Variants in SGCG observed in about 807,000 individuals in gnomAD.
SGCG encodes the protein sarcoglycan gamma, also known as gamma-sarcoglycan.
Under a neutral mutation model 29.3 loss-of-function variants are expected in SGCG, and 26 were observed. The observed-to-expected ratio is 0.89, with a 90% CI of 0.65 to 1.23. SGCG has a LOEUF of 1.23. Ranked by LOEUF, SGCG falls within the 50% of genes most tolerant of loss-of-function variation. The pLI is 0.00. For synonymous variants in SGCG, 145 were observed against 129.7 expected (o/e 1.12, Z -0.80); for missense variants, 353 against 356.0 (o/e 0.99, Z 0.07).
chr13:23,169,199 G>A, the SGCG span, among the ~76,000 whole-genome samples: 1 of 151,902 alleles, frequency 6.6e-6, no homozygotes, highest in Non-Finnish European at 1.5e-5. Context: ...CCTCATTCAT[G>A]TGAGCCAACA....
rs544638330 is a variant in SGCG, at chr13:23,295,633, A to T, written c.578+146A>T. On this transcript the variant is annotated intron_variant, in intron 6 of 7. Transcript: ENST00000218867. The stretch of plus-strand genomic sequence containing the variant: ...TTCAAGACTTTCCGCTTATAACTAG[A>T]TAGTATTTATTAAAATCCAAAGGAG... 5.7e-6 allele frequency: 4 copies of T among 701,250 alleles called. No homozygotes were observed. The East Asian group carries it at 1.1e-4, about 19-fold the overall frequency. The allele number at this position is 701,250 out of a possible 1,614,324, so 43.4% of individuals were successfully genotyped here.
intron 1 of SGCG, among the ~76,000 whole-genome samples, 183 bp downstream of exon 1, chr13:23,181,258 TC>T (rs1260855482): frequency 2.6e-5 from 4 of 152,214 alleles, no homozygotes; most frequent in Admixed American, 6.5e-5. Context: ...AATTCTCATT[TC>T]AACTAAGTTA....
At chr13:23,271,355 G>A (rs893490608) in intron 4 of SGCG, among the ~76,000 whole-genome samples, 1 of 152,082 alleles carries the variant, frequency 6.6e-6, no homozygotes, top group African/African-American at 2.4e-5. Flanking sequence ...GGCCACACTG[G>A]AAGAAGAATA....
intron 6 of SGCG, among the ~76,000 whole-genome samples, chr13:23,298,068 T>C (rs981851170): frequency 4.6e-5 from 7 of 151,068 alleles, no homozygotes; most frequent in African/African-American, 1.2e-4. Context: ...TAAATTGTTA[T>C]TATACAGCCG....
the SGCG span, among the ~76,000 whole-genome samples, chr13:23,169,591 A>C: frequency 6.6e-6 from 1 of 151,654 alleles, no homozygotes. Flanking sequence ...AGGCAGGAGA[A>C]TTGCTTGAAC....
intron 2 of SGCG, among the ~76,000 whole-genome samples, chr13:23,221,043 T>TA (rs5802222): frequency 0.77 from 117,287 of 152,026 alleles, 45,425 homozygotes; most frequent in East Asian, 0.92. Context: ...TTTTAGGATG[T>TA]GTCAGATTTA....
At chr13:23,234,792 GAGA>G (rs1385724610) in intron 3 of SGCG, 80 bp downstream of exon 3, 22 of 999,842 alleles carry the variant, frequency 2.2e-5, no homozygotes, top group African/African-American at 4.8e-5. Context: ...GTACAGTTTA[GAGA>G]AGATTTTTAA....
At chr13:23,264,767 A>C (rs188576508) in intron 4 of SGCG, among the ~76,000 whole-genome samples, 19 of 152,318 alleles carry the variant, frequency 1.2e-4, no homozygotes, top group African/African-American at 4.3e-4. Context: ...CCCAGAAATA[A>C]AGTGAAGTAC....
intron 2 of SGCG, among the ~76,000 whole-genome samples, chr13:23,214,129 A>G (rs1272298424): frequency 6.6e-6 from 1 of 152,208 alleles, no homozygotes; most frequent in African/African-American, 2.4e-5. Context: ...CAAAGAACTG[A>G]AACTTACCAG....
At chr13:23,294,793 T>C (rs528785348) in intron 5 of SGCG, among the ~76,000 whole-genome samples, 1 of 152,302 alleles carries the variant, frequency 6.6e-6, no homozygotes, top group Admixed American at 6.5e-5. Context: ...AGGAAAATAC[T>C]ACCTGCGTTG....
intron 6 of SGCG, among the ~76,000 whole-genome samples, chr13:23,318,445 G>T (rs1453140275): frequency 1.3e-5 from 2 of 150,188 alleles, no homozygotes; most frequent in Non-Finnish European, 3.0e-5. Context: ...ATTTAATATA[G>T]AAATATACAT....
intron 2 of SGCG, 47 bp downstream of exon 2, chr13:23,203,936 G>GT: frequency 7.8e-7 from 1 of 1,285,018 alleles, no homozygotes; most frequent in Non-Finnish European, 1.1e-6. Flanking sequence ...TTTGTTCACT[G>GT]TATCACTTAG....
At chr13:23,240,403 A>T (rs1879462507) in intron 3 of SGCG, among the ~76,000 whole-genome samples, 1 of 152,208 alleles carries the variant, frequency 6.6e-6, no homozygotes, top group Non-Finnish European at 1.5e-5. Flanking sequence ...TCTCTCAATA[A>T]CTGATAGGAG....
intron 4 of SGCG, among the ~76,000 whole-genome samples, chr13:23,269,507 C>T (rs1032798479): frequency 2.0e-5 from 3 of 152,142 alleles, no homozygotes; most frequent in African/African-American, 7.2e-5. Flanking sequence ...TCTCAGTAGC[C>T]AGTCTTTTCC....
At chr13:23,285,308 G>A (rs534287828) in intron 5 of SGCG, among the ~76,000 whole-genome samples, 11 of 152,322 alleles carry the variant, frequency 7.2e-5, no homozygotes, top group African/African-American at 2.6e-4. Context: ...GCCCTGCCCA[G>A]AGAGGAGGAA....
At chr13:23,250,360 G>A (rs1192128826) in intron 3 of SGCG, among the ~76,000 whole-genome samples, 2 of 150,868 alleles carry the variant, frequency 1.3e-5, no homozygotes, top group Non-Finnish European at 3.0e-5. Context: ...TTGCATATTT[G>A]TCTAAATAAT....
chr13:23,279,450 G>A lies in SGCG; in HGVS notation c.477G>A (p.Val159=), dbSNP rs1475965743. ...PLFTVDEKEV[V]VGTDKLRVTG... Reference sequence around the variant, plus strand: ...TTACTGTAGATGAGAAGGAAGTTGTGGTTGGTACAGATAAACTTCGAGTAA... The same window carrying A: ...TTACTGTAGATGAGAAGGAAGTTGTAGTTGGTACAGATAAACTTCGAGTAA... The change falls in exon 5 of 8, where the codon GTG becomes GTA. Residue 159 remains valine (V), a synonymous_variant. Transcript: ENST00000218867. 5.0e-6 allele frequency: 8 copies of A among 1,613,180 alleles called. No homozygotes were observed. The highest frequency in any genetic ancestry group is 1.1e-5 in the South Asian group (1 of 90,994).
intron 5 of SGCG, among the ~76,000 whole-genome samples, chr13:23,290,041 C>CT (rs1243260773): frequency 6.6e-6 from 1 of 152,152 alleles, no homozygotes; most frequent in Non-Finnish European, 1.5e-5. Context: ...GATCTGACAG[C>CT]TACAGACTTG....
At chr13:23,198,932 C>A (rs1306881431) in intron 1 of SGCG, among the ~76,000 whole-genome samples, 1 of 150,978 alleles carries the variant, frequency 6.6e-6, no homozygotes, top group Admixed American at 6.6e-5. Flanking sequence ...CATGGTGAAA[C>A]CCCGTCTCTA....
Sources: gnomAD v4.1 joint callset for allele counts (sites outside exome capture counted in the v4.1 genomes callset) on GRCh38, gnomAD v4.1.1 for gene constraint, MANE v1.5 for transcripts, NCBI Gene and HGNC (gene_info 2026-07-23, HGNC 2026-07-21) for gene names.